Variants in EFCAB8 observed in about 807,000 individuals in gnomAD.
EFCAB8 encodes EF-hand calcium-binding domain-containing protein 8.
In EFCAB8, 100 loss-of-function variants were observed where a neutral mutation model predicts 116.3. The ratio of observed to expected loss-of-function variants is 0.86; its 90% CI spans 0.73 to 1.02. EFCAB8 has a LOEUF of 1.02. EFCAB8 is among the 50% of genes least tolerant of loss of function. EFCAB8 has a pLI of 0.00. For synonymous variants in EFCAB8, 558 were observed against 567.9 expected (o/e 0.98, Z 0.25); for missense variants, 1,320 against 1,416.9 (o/e 0.93, Z 1.10).
rs1988809079 is a variant in EFCAB8, at chr20:32,951,892, GA to G, written c.2960-6528del. 1.3e-5 allele frequency among the ~76,000 whole-genome samples: 2 copies of G among 152,020 alleles called. 1 individual carries two copies. The highest frequency in any genetic ancestry group is 4.2e-4 in the South Asian group (2 of 4,816). ...TGCTTTATTCTGGATACAAGTTCTTGATCAGATATGAGGTTTTGAAAATATT... is the reference window on the plus strand; with the variant it reads ...TGCTTTATTCTGGATACAAGTTCTTGTCAGATATGAGGTTTTGAAAATATT... On this transcript the variant is annotated intron_variant, in intron 23 of 26. Coordinates refer to ENST00000400522, the MANE Select transcript of EFCAB8 (RefSeq NM_001143967.2).
chr20:32,888,970 G>T (rs1222092132), intron 6 of EFCAB8, among the ~76,000 whole-genome samples: 3 of 151,682 alleles, frequency 2.0e-5, no homozygotes, highest in African/African-American at 7.3e-5. Context: ...TGGGGGGCGG[G>T]GGGCGGACAG....
Position 32,917,329 on chromosome 20 carries a change from T to C in EFCAB8, c.1885T>C (p.Cys629Arg). The change falls in exon 18 of 27, where the codon TGC (cysteine) becomes CGC (arginine). Residue 629 changes from cysteine to arginine, a missense_variant. Transcript: ENST00000400522. ...CCACAAGACCAAGCCAGTGCTCTTG[T>C]GCTACCACTGGCAGACCTACCACAC... ...LFHKTKPVLL[C>R]YHWQTYHTED... The C allele has an allele frequency of 6.4e-7, 1 of 1,551,714 alleles. No individual in the cohort carries two copies. Among genetic ancestry groups the C allele is most frequent in the Non-Finnish European group, 8.7e-7 (1 of 1,146,984 alleles).
chr20:32,910,981 A>G (rs1460536579), intron 15 of EFCAB8, among the ~76,000 whole-genome samples: 1 of 151,282 alleles, frequency 6.6e-6, no homozygotes, highest in Non-Finnish European at 1.5e-5. Context: ...CAAGTGATCC[A>G]CCCTCCTCAG....
intron 20 of EFCAB8, among the ~76,000 whole-genome samples, chr20:32,927,480 G>A (rs1329008849): frequency 6.6e-6 from 1 of 152,128 alleles, no homozygotes; most frequent in African/African-American, 2.4e-5. Flanking sequence ...GAGTAGCTGG[G>A]ATTAAAGGTG....
intron 23 of EFCAB8, among the ~76,000 whole-genome samples, chr20:32,945,331 A>AT (rs1988557160): frequency 6.6e-6 from 1 of 151,704 alleles, no homozygotes; most frequent in Non-Finnish European, 1.5e-5. Flanking sequence ...AATTTTTTGT[A>AT]TTTTTTGTAG....
Position 32,911,570 on chromosome 20 carries a change from C to G in EFCAB8, c.1648C>G (p.His550Asp). Reference sequence around the variant, plus strand: ...GGAGTTTGCTGTGTCTGGGGGCCAGCACGTGGAGATGACCGCCATGGCCCT... The same window carrying G: ...GGAGTTTGCTGTGTCTGGGGGCCAGGACGTGGAGATGACCGCCATGGCCCT... ...TMEFAVSGGQ[H>D]VEMTAMALDE... The change falls in exon 16 of 27, where the codon CAC (histidine) becomes GAC (aspartate). Residue 550 changes from histidine (H) to aspartate (D), a missense_variant. Transcript: ENST00000400522. 1 of 1,545,930 alleles carries G rather than the reference C, an allele frequency of 6.5e-7. No individual in the cohort carries two copies. Among genetic ancestry groups the G allele is most frequent in the Middle Eastern group, 1.7e-4 (1 of 5,962 alleles).
intron 3 of EFCAB8, among the ~76,000 whole-genome samples, chr20:32,873,479 G>A (rs748877206): frequency 6.6e-6 from 1 of 152,084 alleles, no homozygotes; most frequent in East Asian, 1.9e-4. Context: ...CAGCCAGCAC[G>A]TGGAGAATTT....
rs542124027 is a variant in EFCAB8 at position 32,917,215 on chromosome 20, G to T, written c.1857-86G>T. On this transcript the variant is annotated intron_variant, in intron 17 of 26. Coordinates refer to ENST00000400522, the MANE Select transcript of EFCAB8 (RefSeq NM_001143967.2). ...GTATCCTCCTCTGAGTCGGCTCCCA[G>T]AATCCTCAAGGCTCCAGTGCTTCCC... 2.8e-5 allele frequency: 31 copies of T among 1,114,852 alleles called. No homozygotes were observed. In the East Asian group the frequency reaches 7.2e-4, roughly 26 times the overall value. 69.1% of individuals were successfully genotyped at this position (1,114,852 alleles called of 1,614,324 possible). A position where few individuals can be genotyped will look rare whatever the true frequency, so the allele number is the denominator to read the frequency against.
Position 32,911,497 on chromosome 20 carries a change from G to A in EFCAB8, c.1575G>A (p.Leu525=). Residue 525 remains leucine (L), a synonymous_variant, in exon 16 of 27, where the codon CTG becomes CTA. Coordinates refer to ENST00000400522, the MANE Select transcript of EFCAB8 (RefSeq NM_001143967.2). The part of the protein sequence containing the change: ...KIFKQVVSGC[L]RGTVSVWEVV... The stretch of plus-strand genomic sequence containing the variant: ...CCCTACAGGTGGTGAGTGGCTGCCT[G>A]CGCGGCACAGTGAGTGTGTGGGAGG... 1 of 1,495,186 alleles carries A rather than the reference G, an allele frequency of 6.7e-7. No homozygotes were observed. 92.6% of individuals were successfully genotyped at this position (1,495,186 alleles called of 1,614,324 possible).
At chr20:32,917,709 G>C (rs768685204) in intron 18 of EFCAB8, among the ~76,000 whole-genome samples, 4 of 152,170 alleles carry the variant, frequency 2.6e-5, no homozygotes, top group Admixed American at 6.5e-5. Context: ...GGCACACGGA[G>C]ATGAAGCACC....
intron 2 of EFCAB8, among the ~76,000 whole-genome samples, chr20:32,865,826 A>G (rs1385915439): frequency 6.6e-6 from 1 of 151,854 alleles, no homozygotes; most frequent in East Asian, 1.9e-4. Context: ...CTGCCTAGAA[A>G]GATGACTGGT....
At chr20:32,916,309 G>A (rs1211821388) in intron 17 of EFCAB8, among the ~76,000 whole-genome samples, 2 of 152,138 alleles carry the variant, frequency 1.3e-5, no homozygotes, top group Admixed American at 1.3e-4. Context: ...CTAGGCTGGA[G>A]TGCAGTGGCA....
At chr20:32,937,451 CAGAA>C (rs1457649493) in intron 22 of EFCAB8, among the ~76,000 whole-genome samples, 2 of 152,000 alleles carry the variant, frequency 1.3e-5, no homozygotes, top group African/African-American at 4.8e-5. Context: ...GACAAAACCT[CAGAA>C]AGACACAAAC....
At chr20:32,894,451 G>A (rs975464163) in intron 9 of EFCAB8, among the ~76,000 whole-genome samples, 2 of 152,252 alleles carry the variant, frequency 1.3e-5, no homozygotes, top group East Asian at 1.9e-4. Flanking sequence ...CGCCACCGTG[G>A]GAACTGGCAC....
At chr20:32,931,389 T>G (rs1428497090) in intron 22 of EFCAB8, 53 bp downstream of exon 22, 2 of 1,482,642 alleles carry the variant, frequency 1.3e-6, no homozygotes, top group Non-Finnish European at 1.8e-6. Context: ...GCCCCACAAA[T>G]GAGCTAGGAC....
chr20:32,875,338 G>T (rs943864930), intron 3 of EFCAB8, among the ~76,000 whole-genome samples: 1 of 151,942 alleles, frequency 6.6e-6, no homozygotes, highest in African/African-American at 2.4e-5. Flanking sequence ...GGCCAAGAGG[G>T]GCTGGATTTG....
intron 23 of EFCAB8, among the ~76,000 whole-genome samples, chr20:32,958,048 C>T (rs887993241): frequency 2.0e-5 from 3 of 152,174 alleles, no homozygotes; most frequent in Non-Finnish European, 4.4e-5. Flanking sequence ...CTTCCCCCAC[C>T]ACCCCAAATC....
chr20:32,929,813 T>C (rs932065445), intron 20 of EFCAB8, among the ~76,000 whole-genome samples: 7 of 152,308 alleles, frequency 4.6e-5, no homozygotes, highest in South Asian at 2.1e-4. Flanking sequence ...CAAGAAACTT[T>C]CTTCTCATGC....
At chr20:32,870,163 G>A (rs958924286) in intron 3 of EFCAB8, among the ~76,000 whole-genome samples, 1 of 152,188 alleles carries the variant, frequency 6.6e-6, no homozygotes, top group Non-Finnish European at 1.5e-5. Context: ...AACGAGTAAA[G>A]TGAGACCTAG....
Sources: allele counts gnomAD v4.1 joint callset (sites outside exome capture counted in the v4.1 genomes callset), GRCh38; gene constraint gnomAD v4.1.1; transcripts MANE v1.5; gene names NCBI Gene and HGNC (gene_info 2026-07-23, HGNC 2026-07-21).